The following ARHGAP18 variants were observed in gnomAD, a reference collection of about 807,000 sequenced individuals.
ARHGAP18 encodes the protein rho GTPase-activating protein 18.
Under a neutral mutation model 86.2 loss-of-function variants are expected in ARHGAP18, and 67 were observed. That is an observed-to-expected ratio of 0.78 (90% CI 0.64 to 0.95). ARHGAP18 has a LOEUF of 0.95. ARHGAP18 is among the 40% of genes least tolerant of loss of function. The pLI is 0.00. For synonymous variants in ARHGAP18, 283 were observed against 280.4 expected, an observed-to-expected ratio of 1.01 and a Z score of -0.09; for missense variants, 691 against 780.4, an observed-to-expected ratio of 0.89 and a Z score of 1.37.
intron 1 of ARHGAP18, among the ~76,000 whole-genome samples, chr6:129,652,748 T>C (rs1773741284): frequency 6.6e-6 from 1 of 152,240 alleles, no homozygotes; most frequent in Non-Finnish European, 1.5e-5. Context: ...TACAGATTTA[T>C]AAATTATAAT....
rs781077876 is a variant in ARHGAP18 at position 129,618,852 on chromosome 6, T to C, written c.787A>G (p.Ser263Gly). 6.2e-7 allele frequency: 1 copy of C among 1,611,178 alleles called. No homozygotes were observed. The highest frequency in any genetic ancestry group is 8.5e-7 in the Non-Finnish European group (1 of 1,179,150). Residue 263 changes from serine to glycine, a missense_variant and splice_region_variant, in exon 6 of 15, where the codon AGT (serine) becomes GGT (glycine). Transcript: ENST00000368149. The part of the protein sequence containing the change: ...KSKGDDATLP[S>G]FRLPKDKTGT... ...GTTTTGTCTTTTGGCAATCTGAAAC[T>C]CTAAAATAAACATCATTAATATAGT... is the stretch of plus-strand genomic sequence containing the variant.
chr6:129,626,043 CACACACATAT>C (rs1299804259), intron 5 of ARHGAP18, among the ~76,000 whole-genome samples: 2 of 104,010 alleles, frequency 1.9e-5, no homozygotes, highest in African/African-American at 7.6e-5. Context: ...TATATATACA[CACACACATAT>C]ATATACACAT....
intron 5 of ARHGAP18, among the ~76,000 whole-genome samples, chr6:129,620,359 G>T (rs1789202169): frequency 6.6e-6 from 1 of 152,158 alleles, no homozygotes; most frequent in Non-Finnish European, 1.5e-5. Flanking sequence ...TTGGATTTTT[G>T]GATTAGGGAT....
intron 1 of ARHGAP18, among the ~76,000 whole-genome samples, chr6:129,701,033 C>T (rs1159431878): frequency 6.6e-6 from 1 of 151,710 alleles, no homozygotes; most frequent in Non-Finnish European, 1.5e-5. Flanking sequence ...AGTTCTCACC[C>T]TCAATGAACT....
chr6:129,696,444 C>A (rs910144358), intron 1 of ARHGAP18, among the ~76,000 whole-genome samples: 2 of 152,150 alleles, frequency 1.3e-5, no homozygotes, highest in Admixed American at 1.3e-4. Context: ...AATTTACATA[C>A]TTTTTGGAAA....
At chr6:129,663,336 G>A (rs147300026) in intron 1 of ARHGAP18, among the ~76,000 whole-genome samples, 13 of 152,322 alleles carry the variant, frequency 8.5e-5, no homozygotes, top group African/African-American at 2.6e-4. Flanking sequence ...TGATAGATAC[G>A]AATGATCCAG....
intron 1 of ARHGAP18, among the ~76,000 whole-genome samples, chr6:129,644,739 G>C (rs758974639): frequency 6.6e-6 from 1 of 152,226 alleles, no homozygotes; most frequent in Non-Finnish European, 1.5e-5. Flanking sequence ...CTGAAGGAAT[G>C]TGTTTATTCT....
chr6:129,678,309 C>A (rs1774270340), intron 1 of ARHGAP18, among the ~76,000 whole-genome samples: 1 of 152,190 alleles, frequency 6.6e-6, no homozygotes, highest in Non-Finnish European at 1.5e-5. Context: ...TAGAAAGTTG[C>A]AGTTCTCTAT....
At chr6:129,627,707 G>T (rs949798441) in intron 5 of ARHGAP18, among the ~76,000 whole-genome samples, 1 of 151,808 alleles carries the variant, frequency 6.6e-6, no homozygotes, top group African/African-American at 2.4e-5. Context: ...AACAGAGAAG[G>T]AGATTTAAGA....
intron 1 of ARHGAP18, among the ~76,000 whole-genome samples, 167 bp from the exon 2 acceptor site, chr6:129,642,185 T>C (rs1250600410): frequency 6.6e-6 from 1 of 152,224 alleles, no homozygotes; most frequent in Admixed American, 6.5e-5. Context: ...TATAATATGC[T>C]TGTAGAATAA....
chr6:129,634,204 T>C, intron 3 of ARHGAP18, 99 bp from the exon 4 acceptor site: 2 of 987,718 alleles, frequency 2.0e-6, no homozygotes, highest in Non-Finnish European at 3.1e-6. Context: ...GTACAAGACA[T>C]GTACTCAGAA....
chr6:129,618,629 C>T (rs1049923892), intron 6 of ARHGAP18, 58 bp downstream of exon 6: 16 of 1,488,130 alleles, frequency 1.1e-5, no homozygotes, highest in Middle Eastern at 1.8e-4. Flanking sequence ...TGCAAAAAAG[C>T]CAAGTCCATC....
At chr6:129,673,368 A>G (rs1774174406) in intron 1 of ARHGAP18, among the ~76,000 whole-genome samples, 1 of 151,824 alleles carries the variant, frequency 6.6e-6, no homozygotes, top group South Asian at 2.1e-4. Flanking sequence ...AAAAAAAAAA[A>G]GTCTTAAATA....
intron 2 of ARHGAP18, 92 bp downstream of exon 2, chr6:129,641,724 T>G: frequency 8.0e-7 from 1 of 1,244,578 alleles, no homozygotes; most frequent in Non-Finnish European, 1.1e-6. Context: ...TGGTCCTAGC[T>G]TTAATTTTTT....
At chr6:129,690,335 T>C (rs1774504220) in intron 1 of ARHGAP18, among the ~76,000 whole-genome samples, 1 of 152,184 alleles carries the variant, frequency 6.6e-6, no homozygotes, top group African/African-American at 2.4e-5. Context: ...ATGCTTAAGA[T>C]AGTGACAATT....
intron 1 of ARHGAP18, among the ~76,000 whole-genome samples, chr6:129,655,433 A>C (rs1773816537): frequency 6.6e-6 from 1 of 152,118 alleles, no homozygotes; most frequent in Admixed American, 6.5e-5. Flanking sequence ...AATATCCTCC[A>C]GGGCAGAAGT....
intron 3 of ARHGAP18, among the ~76,000 whole-genome samples, chr6:129,634,680 C>T (rs2114492884): frequency 6.6e-6 from 1 of 152,064 alleles, no homozygotes; most frequent in East Asian, 1.9e-4. Context: ...TGGGGAAGGT[C>T]TGTTAATGGA....
chr6:129,683,053 T>C (rs1204192298), intron 1 of ARHGAP18, among the ~76,000 whole-genome samples: 3 of 106,952 alleles, frequency 2.8e-5, no homozygotes, highest in African/African-American at 1.2e-4. Flanking sequence ...GTTTTGTTTT[T>C]TCTTTTTTTT....
intron 1 of ARHGAP18, among the ~76,000 whole-genome samples, chr6:129,645,506 G>A (rs1334033954): frequency 1.3e-5 from 2 of 152,142 alleles, no homozygotes; most frequent in African/African-American, 4.8e-5. Context: ...GCAACTACCA[G>A]TGACCCCTCC....
Sources: allele counts gnomAD v4.1 joint callset (sites outside exome capture counted in the v4.1 genomes callset), GRCh38; gene constraint gnomAD v4.1.1; transcripts MANE v1.5; gene names NCBI Gene and HGNC (gene_info 2026-07-23, HGNC 2026-07-21).